ATF6: variants seen among roughly 807,000 people sequenced by gnomAD.
ATF6 encodes the protein activating transcription factor 6, also known as cyclic AMP-dependent transcription factor ATF-6 alpha.
A neutral mutation model predicts 83.6 loss-of-function variants in ATF6; 53 were observed. The ratio of observed to expected loss-of-function variants is 0.63; its 90% CI spans 0.51 to 0.80. The LOEUF (loss-of-function observed/expected upper bound fraction) is 0.80. Among genes scored for constraint, ATF6 ranks in the 30% least tolerant of loss-of-function variants. The pLI is 0.00. For synonymous variants in ATF6, 288 were observed against 285.8 expected, an observed-to-expected ratio of 1.01 and a Z score of -0.08; for missense variants, 744 against 797.9, an observed-to-expected ratio of 0.93 and a Z score of 0.81.
At chr1:161,934,421 G>A (rs755061716) in intron 15 of ATF6, among the ~76,000 whole-genome samples, 4 of 152,212 alleles carry the variant, frequency 2.6e-5, no homozygotes, top group Non-Finnish European at 5.9e-5. Flanking sequence ...AAGTGACATA[G>A]CAGCTGTGTG....
At chr1:161,848,233 T>C (rs1686529080) in intron 10 of ATF6, among the ~76,000 whole-genome samples, 1 of 152,154 alleles carries the variant, frequency 6.6e-6, no homozygotes. Flanking sequence ...AATTTGATGT[T>C]CTTGATTTTA....
chr1:161,782,526 C>G (rs976108191), intron 3 of ATF6, among the ~76,000 whole-genome samples: 1 of 152,100 alleles, frequency 6.6e-6, no homozygotes, highest in African/African-American at 2.4e-5. Context: ...GAAGAAAAAT[C>G]CCTTCTCCTC....
At position 161,866,988 on chromosome 1, in the gene ATF6, A is replaced by G. The variant is rs533299652; in HGVS notation, c.1719+3676A>G. ...TTGTCTTGAACTCCTGGACTCAATA[A>G]TGCTTATTTTAAAAATACTTTTGTG... On this transcript the variant is annotated intron_variant, in intron 14 of 15. Coordinates refer to ENST00000367942, the MANE Select transcript of ATF6 (RefSeq NM_007348.4). 2.6e-5 allele frequency among the ~76,000 whole-genome samples: 4 copies of G among 152,198 alleles called. No homozygotes were observed. In the East Asian group the frequency reaches 5.8e-4, roughly 22 times the overall value.
chr1:161,844,939 A>G (rs1686447016), intron 9 of ATF6, among the ~76,000 whole-genome samples: 1 of 152,188 alleles, frequency 6.6e-6, no homozygotes, highest in Non-Finnish European at 1.5e-5. Context: ...CTGCTCAGGT[A>G]AACCTTTAGT....
chr1:161,903,490 C>T (rs1003980398), intron 14 of ATF6, among the ~76,000 whole-genome samples: 1 of 152,120 alleles, frequency 6.6e-6, no homozygotes, highest in Non-Finnish European at 1.5e-5. Context: ...TGGCTCTCAA[C>T]TATGTGGTTG....
rs538587328 is a variant in ATF6, at chr1:161,879,003, G to A, written c.1719+15691G>A. Reference sequence around the variant, plus strand: ...AAAGGAATGAACCCATAGATAGGAAGAAAGCAATGTTAAAAGAGAAGTCGA... The same window carrying A: ...AAAGGAATGAACCCATAGATAGGAAAAAAGCAATGTTAAAAGAGAAGTCGA... On this transcript the variant is annotated intron_variant, in intron 14 of 15. Transcript: ENST00000367942. 3.3e-4 allele frequency among the ~76,000 whole-genome samples: 50 copies of A among 152,250 alleles called. 1 individual carries two copies. The highest frequency in any genetic ancestry group is 1.0e-3 in the Admixed American group (16 of 15,288).
chr1:161,945,144 A>G (rs1688724808), intron 15 of ATF6, among the ~76,000 whole-genome samples: 1 of 152,256 alleles, frequency 6.6e-6, no homozygotes, highest in South Asian at 2.1e-4. Context: ...TTTCTATTAT[A>G]TGCTGCACAT....
At chr1:161,806,958 C>T (rs1685298031) in intron 7 of ATF6, among the ~76,000 whole-genome samples, 1 of 152,126 alleles carries the variant, frequency 6.6e-6, no homozygotes, top group African/African-American at 2.4e-5. Context: ...GGATGCCCTG[C>T]ACACAGTGTT....
At chr1:161,781,024 T>A (rs1002379595) in intron 2 of ATF6, among the ~76,000 whole-genome samples, 12 of 152,222 alleles carry the variant, frequency 7.9e-5, no homozygotes, top group African/African-American at 1.9e-4. Context: ...TTTATTGCAT[T>A]ATTTATGTAT....
At chr1:161,845,020 TTGG>T (rs533176915) in intron 9 of ATF6, among the ~76,000 whole-genome samples, 31 of 152,348 alleles carry the variant, frequency 2.0e-4, no homozygotes, top group African/African-American at 7.5e-4. Flanking sequence ...ATGGCTTTAA[TTGG>T]TGGTACACCT....
intron 6 of ATF6, among the ~76,000 whole-genome samples, chr1:161,801,702 TATA>T (rs1245355241): frequency 1.3e-5 from 2 of 152,212 alleles, no homozygotes; most frequent in African/African-American, 4.8e-5. Flanking sequence ...ATTTGTTATT[TATA>T]ATAAGACAAA....
chr1:161,786,778 CATTA>C (rs1454776321), intron 4 of ATF6, among the ~76,000 whole-genome samples: 2 of 152,144 alleles, frequency 1.3e-5, no homozygotes, highest in Admixed American at 6.5e-5. Flanking sequence ...GGGAAATAAA[CATTA>C]ATATGTTACT....
intron 9 of ATF6, among the ~76,000 whole-genome samples, chr1:161,824,897 T>C (rs1571164105): frequency 6.6e-6 from 1 of 152,276 alleles, no homozygotes; most frequent in East Asian, 1.9e-4. Context: ...ACAACTGTTG[T>C]ATGAGAAAGA....
At chr1:161,911,517 C>A (rs1383379468) in intron 14 of ATF6, among the ~76,000 whole-genome samples, 1 of 152,208 alleles carries the variant, frequency 6.6e-6, no homozygotes, top group Non-Finnish European at 1.5e-5. Flanking sequence ...CTCAGATGCC[C>A]TGCACAGTGT....
rs541065113 is a variant in ATF6, at chr1:161,912,649, G to A, written c.1804+269G>A. Among the ~76,000 whole-genome samples the A allele has an allele frequency of 6.6e-5, 10 of 152,180 alleles. No homozygotes were observed. The East Asian group carries it at 1.2e-3, about 18-fold the overall frequency. ...GACTGCTCTACAGACTTGCATCTGC[G>A]ACCCTTCTAGTCATAAATGTAGTGT... On this transcript the variant is annotated intron_variant, in intron 15 of 15. Coordinates refer to ENST00000367942, the MANE Select transcript of ATF6 (RefSeq NM_007348.4).
chr1:161,937,920 A>G (rs1415498828), intron 15 of ATF6, among the ~76,000 whole-genome samples: 1 of 151,944 alleles, frequency 6.6e-6, no homozygotes, highest in African/African-American at 2.4e-5. Context: ...TCCTCTGTTC[A>G]GAACTTACCA....
intron 14 of ATF6, among the ~76,000 whole-genome samples, chr1:161,908,903 T>C (rs1687929809): frequency 6.6e-6 from 1 of 152,194 alleles, no homozygotes; most frequent in Non-Finnish European, 1.5e-5. Context: ...AATAAGTATT[T>C]AAGTAAAAGG....
intron 6 of ATF6, among the ~76,000 whole-genome samples, chr1:161,800,700 C>G (rs1685123994): frequency 6.6e-6 from 1 of 152,168 alleles, no homozygotes; most frequent in African/African-American, 2.4e-5. Context: ...CATTAAAAGC[C>G]TACTGTACCC....
In ATF6 at chr1:161,766,375, TG is replaced by T. The variant is rs1203515425; in HGVS notation, c.19del (p.Val7LeufsTer60). On this transcript the variant is annotated frameshift_variant, in exon 1 of 16. Transcript: ENST00000367942. LOFTEE classifies it high-confidence loss of function. MGEPAGVAGTMESPFS... is the reference protein window; with the variant it reads MGEPAXVAGTMESPFS... ...GAACTTGTGAAATGGGGGAGCCGGCTGGGGTTGCCGGCACCATGGAGTCACC... is the reference window on the plus strand; with the variant it reads ...GAACTTGTGAAATGGGGGAGCCGGCTGGGTTGCCGGCACCATGGAGTCACC... 1 of 1,612,830 alleles carries T rather than the reference TG, an allele frequency of 6.2e-7. No homozygotes were observed. The highest frequency in any genetic ancestry group is 1.3e-5 in the African/African-American group (1 of 74,924).
Sources: allele counts gnomAD v4.1 joint callset (sites outside exome capture counted in the v4.1 genomes callset), GRCh38; gene constraint gnomAD v4.1.1; transcripts MANE v1.5; gene names NCBI Gene and HGNC (gene_info 2026-07-23, HGNC 2026-07-21).